Variants in TMTC4 observed in about 807,000 individuals in gnomAD.
The protein encoded by TMTC4 is protein O-mannosyl-transferase TMTC4.
In TMTC4, 65 loss-of-function variants were observed where a neutral mutation model predicts 86.0. The observed-to-expected ratio is 0.76, with a 90% CI of 0.62 to 0.93. The LOEUF (loss-of-function observed/expected upper bound fraction) is 0.93. TMTC4 is among the 40% of genes least tolerant of loss of function. The pLI is 0.00. For missense variants in TMTC4, 866 were observed against 948.1 expected (o/e 0.91, Z 1.14); for synonymous variants, 379 against 382.5 (o/e 0.99, Z 0.11).
chr13:100,641,405 C>T (rs548095235), intron 7 of TMTC4, among the ~76,000 whole-genome samples: 5 of 152,110 alleles, frequency 3.3e-5, no homozygotes, highest in East Asian at 3.9e-4. Context: ...GGAGGAATGA[C>T]GAGAAGAGAG....
At chr13:100,657,740 A>G (rs1885277764) in intron 5 of TMTC4, among the ~76,000 whole-genome samples, 1 of 152,224 alleles carries the variant, frequency 6.6e-6, no homozygotes, top group Non-Finnish European at 1.5e-5. Context: ...ATAAATCAAG[A>G]TAAGAAAATA....
Position 100,623,640 on chromosome 13 carries a change from G to GTTTTTTTTTT in TMTC4, c.1836+1894_1836+1895insAAAAAAAAAA, listed in dbSNP as rs71200708. On this transcript the variant is annotated intron_variant, in intron 15 of 18. Transcript: ENST00000342624. ...GTCAGTTTTGGAAACTACTAGTTGG[G>GTTTTTTTTTT]TTTTGTTTTTTTTTTTTTTTTTTTT... Among the ~76,000 whole-genome samples the GTTTTTTTTTT allele has an allele frequency of 6.2e-5, 6 of 96,182 alleles. 2 individuals carry two copies. Among genetic ancestry groups the GTTTTTTTTTT allele is most frequent in the African/African-American group, 3.4e-5 (1 of 29,036 alleles). The allele number at this position is 96,182 out of a possible 152,430, so 63.1% of individuals were successfully genotyped here. A position where few individuals can be genotyped will look rare whatever the true frequency, so the allele number is the denominator to read the frequency against.
chr13:100,645,998 A>C (rs1054918329), intron 6 of TMTC4, among the ~76,000 whole-genome samples: 2 of 152,116 alleles, frequency 1.3e-5, no homozygotes, highest in African/African-American at 4.8e-5. Context: ...AGGGTAGGAA[A>C]TCACTCCCAC....
chr13:100,646,287 G>A (rs1187809023), intron 6 of TMTC4, among the ~76,000 whole-genome samples: 1 of 152,180 alleles, frequency 6.6e-6, no homozygotes, highest in Non-Finnish European at 1.5e-5. Context: ...CAGCAGGCCC[G>A]ACTGACGCTG....
rs538628201 is a variant in TMTC4 at position 100,622,847 on chromosome 13, T to C, written c.1836+2688A>G. The stretch of plus-strand genomic sequence containing the variant: ...AATGTGCAGGTTAGTTACATATGTA[T>C]ATATTTCTAACACAAGCATTACTCG... On this transcript the variant is annotated intron_variant, in intron 15 of 18. Transcript: ENST00000342624. Among the ~76,000 whole-genome samples, 3 of 152,322 alleles carry C rather than the reference T, an allele frequency of 2.0e-5. No individual in the cohort carries two copies. The South Asian group carries it at 6.2e-4, about 32-fold the overall frequency.
At chr13:100,619,825 T>A (rs1326740305) in intron 15 of TMTC4, among the ~76,000 whole-genome samples, 1 of 152,206 alleles carries the variant, frequency 6.6e-6, no homozygotes, top group African/African-American at 2.4e-5. Context: ...CTCAGATCAA[T>A]TCACTCCACC....
At chr13:100,620,465 T>G (rs1388699094) in intron 15 of TMTC4, among the ~76,000 whole-genome samples, 4 of 152,200 alleles carry the variant, frequency 2.6e-5, no homozygotes, top group Non-Finnish European at 5.9e-5. Context: ...GTGCCTCCTG[T>G]CTGTTCCCCC....
chr13:100,665,875 C>G (rs1402978676), intron 3 of TMTC4: 1 of 359,806 alleles, frequency 2.8e-6, no homozygotes, highest in Non-Finnish European at 5.5e-6. Context: ...CAGGAGCACA[C>G]TGACCACTCC....
At chr13:100,672,994 A>G (rs1887321916) in intron 1 of TMTC4, among the ~76,000 whole-genome samples, 1 of 152,154 alleles carries the variant, frequency 6.6e-6, no homozygotes. Flanking sequence ...GCTACAGGCC[A>G]AGCAGAGGGC....
chr13:100,626,249 G>A (rs932124300), intron 12 of TMTC4, 99 bp from the exon 13 acceptor site: 22 of 1,297,712 alleles, frequency 1.7e-5, no homozygotes, highest in South Asian at 2.5e-5. Flanking sequence ...GTAAAGCGAC[G>A]AGGAAAAAAA....
rs182572422 is a variant in TMTC4, at chr13:100,631,575, C to T, written c.1506+3230G>A. Among the ~76,000 whole-genome samples, 65 of 152,298 alleles carry T rather than the reference C, an allele frequency of 4.3e-4. No individual in the cohort carries two copies. In the South Asian group the frequency reaches 4.6e-3, roughly 11 times the overall value. ...GAATTCAATAACTAATATTGATTGT[C>T]TACCATATGCAAGGCACTGTGCCTT... On this transcript the variant is annotated intron_variant, in intron 12 of 18. Coordinates refer to ENST00000342624, the MANE Select transcript of TMTC4 (RefSeq NM_032813.5).
chr13:100,666,885 G>C (rs948669829), intron 3 of TMTC4, among the ~76,000 whole-genome samples: 1 of 152,174 alleles, frequency 6.6e-6, no homozygotes, highest in African/African-American at 2.4e-5. Context: ...AGCTACTCGG[G>C]AGGCTAAGAT....
At chr13:100,656,309 T>C in intron 6 of TMTC4, 72 bp downstream of exon 6, 1 of 1,347,512 alleles carries the variant, frequency 7.4e-7, no homozygotes, top group East Asian at 2.3e-5. Flanking sequence ...CTTTCCCGTA[T>C]GTTAAGACAC....
At position 100,605,015 on chromosome 13, in the gene TMTC4, T is replaced by A; in HGVS notation, c.2262A>T (p.Leu754=). 6.2e-7 allele frequency: 1 copy of A among 1,613,606 alleles called. No homozygotes were observed. Among genetic ancestry groups the A allele is most frequent in the Middle Eastern group, 1.6e-4 (1 of 6,062 alleles). ...AGGATCAGACAGCTTTCTTTTGCATTAGTTCTAGCTTTCTTCTCAGCAGAC... is the reference window on the plus strand; with the variant it reads ...AGGATCAGACAGCTTTCTTTTGCATAAGTTCTAGCTTTCTTCTCAGCAGAC... The part of the protein sequence containing the change: ...NYGLLRRKLE[L]MQKKAV Residue 754 remains leucine (L), a synonymous_variant, in exon 19 of 19, where the codon CTA becomes CTT. Coordinates refer to ENST00000342624, the MANE Select transcript of TMTC4 (RefSeq NM_032813.5). This position sits in a 1 kb window ranked among gnomAD's most constrained non-coding sequence, Gnocchi z 4.3.
intron 15 of TMTC4, among the ~76,000 whole-genome samples, chr13:100,623,200 T>G (rs1879813707): frequency 1.3e-5 from 2 of 152,264 alleles, no homozygotes; most frequent in African/African-American, 4.8e-5. Context: ...GGCAGGTTAC[T>G]GGAATCACCT....
rs1358863506 is a variant in TMTC4, at chr13:100,670,500, C to A, written c.-138G>T. 1.0e-5 allele frequency: 8 copies of A among 779,898 alleles called. No individual in the cohort carries two copies. The highest frequency in any genetic ancestry group is 1.6e-5 in the Non-Finnish European group (8 of 512,168). The allele number at this position is 779,898 out of a possible 1,614,324, so 48.3% of individuals were successfully genotyped here. On this transcript the variant is annotated 5_prime_UTR_variant, in exon 2 of 19. Coordinates refer to ENST00000342624, the MANE Select transcript of TMTC4 (RefSeq NM_032813.5). The stretch of plus-strand genomic sequence containing the variant: ...GCATACGGCATGCTCTCAGCAAGTG[C>A]TGGGGGAATACTGCAGCTACTTTTC...
At chr13:100,659,096 T>C (rs1885459410) in intron 5 of TMTC4, among the ~76,000 whole-genome samples, 1 of 152,214 alleles carries the variant, frequency 6.6e-6, no homozygotes, top group South Asian at 2.1e-4. Flanking sequence ...GAGAAATCAC[T>C]GCAATCCCTC....
Position 100,612,404 on chromosome 13 carries a change from T to G in TMTC4, c.2058A>C (p.Lys686Asn). 1 of 1,608,164 alleles carries G rather than the reference T, an allele frequency of 6.2e-7. No homozygotes were observed. The highest frequency in any genetic ancestry group is 8.5e-7 in the Non-Finnish European group (1 of 1,178,136). ...SLANVLGKSQ[K>N]YKESEALFLK... ...CAGCCTGCGGTTTACGCACCTTGTA[T>G]TTCTGGGATTTCCCCAGCACGTTTG... Residue 686 changes from lysine to asparagine, a missense_variant, in exon 17 of 19, where the codon AAA becomes AAC. By Grantham distance (94) the Lys-to-Asn change is moderately conservative. Coordinates refer to ENST00000342624, the MANE Select transcript of TMTC4 (RefSeq NM_032813.5).
intron 6 of TMTC4, among the ~76,000 whole-genome samples, chr13:100,646,648 T>C (rs1276338184): frequency 6.6e-6 from 1 of 152,234 alleles, no homozygotes; most frequent in Admixed American, 6.5e-5. Context: ...ATCCTCCAAG[T>C]TGTTCAGGAG....
Sources: allele counts gnomAD v4.1 joint callset (sites outside exome capture counted in the v4.1 genomes callset), GRCh38; gene constraint gnomAD v4.1.1; non-coding constraint Gnocchi (gnomAD v3.1); transcripts MANE v1.5; gene names NCBI Gene and HGNC (gene_info 2026-07-23, HGNC 2026-07-21).